Variants in CPEB1 observed in about 807,000 individuals in gnomAD.
CPEB1 encodes the protein cytoplasmic polyadenylation element binding protein 1.
CPEB1 carries 7 observed loss-of-function variants against 65.8 expected under a neutral mutation model. The observed-to-expected ratio is 0.11, with a 90% CI of 0.06 to 0.20. The LOEUF is 0.20. Among genes scored for constraint, CPEB1 ranks in the 10% least tolerant of loss-of-function variants. The pLI, the probability that CPEB1 is intolerant of heterozygous loss-of-function variation, is 1.00. For missense variants in CPEB1, 551 were observed against 712.2 expected, an observed-to-expected ratio of 0.77 and a Z score of 2.58; for synonymous variants, 262 against 260.0, an observed-to-expected ratio of 1.01 and a Z score of -0.08.
intron 7 of CPEB1, 50 bp downstream of exon 7, chr15:82,553,828 A>G (rs764767501): frequency 7.7e-7 from 1 of 1,304,208 alleles, no homozygotes; most frequent in South Asian, 1.2e-5. Flanking sequence ...TGCTCCTGAA[A>G]GACATGCCCC....
At chr15:82,617,107 C>A (rs1275724086) in intron 3 of CPEB1, among the ~76,000 whole-genome samples, 1 of 152,232 alleles carries the variant, frequency 6.6e-6, no homozygotes, top group Admixed American at 6.5e-5. Flanking sequence ...GATCTCCCTG[C>A]TGTCACTGGA....
intron 3 of CPEB1, among the ~76,000 whole-genome samples, chr15:82,574,179 C>T (rs2040390295): frequency 6.6e-6 from 1 of 152,204 alleles, no homozygotes; most frequent in South Asian, 2.1e-4. Context: ...CCAGACATTC[C>T]TCAATCTGTT....
chr15:82,568,719 C>G (rs972097503), intron 4 of CPEB1, among the ~76,000 whole-genome samples: 2 of 152,208 alleles, frequency 1.3e-5, no homozygotes, highest in African/African-American at 4.8e-5. Context: ...ATGAAAGCCC[C>G]TATCATAGCA....
chr15:82,591,552 TC>T (rs1235247825), intron 3 of CPEB1, among the ~76,000 whole-genome samples: 1 of 151,868 alleles, frequency 6.6e-6, no homozygotes, highest in Non-Finnish European at 1.5e-5. Flanking sequence ...TAGGCATGAG[TC>T]ACTGTGCCCA....
intron 4 of CPEB1, among the ~76,000 whole-genome samples, chr15:82,568,352 C>A (rs2039479921): frequency 6.6e-6 from 1 of 152,086 alleles, no homozygotes; most frequent in Non-Finnish European, 1.5e-5. Flanking sequence ...ACATTGCAAG[C>A]AGGACAAGGG....
intron 3 of CPEB1, among the ~76,000 whole-genome samples, chr15:82,602,366 G>C (rs2043190067): frequency 6.6e-6 from 1 of 152,162 alleles, no homozygotes; most frequent in South Asian, 2.1e-4. Flanking sequence ...GAAATTTATA[G>C]TCTTTGGTAA....
chr15:82,588,552 G>A (rs2041980740), intron 3 of CPEB1, among the ~76,000 whole-genome samples: 1 of 152,088 alleles, frequency 6.6e-6, no homozygotes, highest in Non-Finnish European at 1.5e-5. Flanking sequence ...CCATGAACAT[G>A]ATGTATCTAA....
chr15:82,581,501 T>G (rs1289782156), intron 3 of CPEB1, among the ~76,000 whole-genome samples: 1 of 152,134 alleles, frequency 6.6e-6, no homozygotes, highest in Non-Finnish European at 1.5e-5. Flanking sequence ...TAACACTATG[T>G]TTAATTTTTT....
chr15:82,586,973 G>T (rs1033683916), intron 3 of CPEB1, among the ~76,000 whole-genome samples: 2 of 152,098 alleles, frequency 1.3e-5, no homozygotes, highest in Non-Finnish European at 2.9e-5. Flanking sequence ...CAACAGAGAA[G>T]GAATTGCAAT....
At chr15:82,548,463 G>A (rs1334675669) in intron 10 of CPEB1, among the ~76,000 whole-genome samples, 1 of 152,196 alleles carries the variant, frequency 6.6e-6, no homozygotes, top group African/African-American at 2.4e-5. Flanking sequence ...ATTTGACAGT[G>A]GAGATCATGT....
chr15:82,632,215 C>A (rs568716080), intron 1 of CPEB1, among the ~76,000 whole-genome samples: 25 of 152,102 alleles, frequency 1.6e-4, no homozygotes, highest in African/African-American at 5.8e-4. Flanking sequence ...ATCTCCTGAC[C>A]TCATGATCCG....
intron 3 of CPEB1, among the ~76,000 whole-genome samples, chr15:82,622,908 C>A (rs371207680): frequency 1.3e-5 from 2 of 152,192 alleles, no homozygotes; most frequent in South Asian, 4.1e-4. Flanking sequence ...AATGCTACCC[C>A]CCTCCTTATG....
Position 82,647,198 on chromosome 15 carries a change from C to T in CPEB1, c.-159G>A. The stretch of plus-strand genomic sequence containing the variant: ...AAGCCCCGCCAGTCTTCCGCCCTCG[C>T]GCCACACTACCTGGCCAGCCCCGCC... On this transcript the variant is annotated 5_prime_UTR_variant, in exon 1 of 13. Transcript: ENST00000684509. 1 of 152,716 alleles carries T rather than the reference C, an allele frequency of 6.5e-6. No individual in the cohort carries two copies. Among genetic ancestry groups the T allele is most frequent in the Non-Finnish European group, 1.5e-5 (1 of 68,366 alleles). 9.5% of individuals were successfully genotyped at this position (152,716 alleles called of 1,614,324 possible).
At chr15:82,550,768 C>A (rs2036098285) in intron 9 of CPEB1, among the ~76,000 whole-genome samples, 1 of 152,040 alleles carries the variant, frequency 6.6e-6, no homozygotes, top group Non-Finnish European at 1.5e-5. Flanking sequence ...TTTATCTGAA[C>A]TAGAAAAGAA....
intron 3 of CPEB1, among the ~76,000 whole-genome samples, chr15:82,591,440 A>C (rs942924043): frequency 1.3e-4 from 19 of 151,922 alleles, no homozygotes; most frequent in African/African-American, 3.4e-4. Context: ...AATTTTTGTA[A>C]TTTTTAGTAG....
chr15:82,555,178 TA>T (rs138343388), intron 6 of CPEB1, among the ~76,000 whole-genome samples: 26,989 of 152,242 alleles, frequency 0.18, 2,674 homozygotes, highest in Non-Finnish European at 0.24. Flanking sequence ...TAGGATAATT[TA>T]TTTTTTAAAC....
At chr15:82,599,181 ATATT>A (rs1457380913) in intron 3 of CPEB1, among the ~76,000 whole-genome samples, 17 of 152,210 alleles carry the variant, frequency 1.1e-4, no homozygotes, top group Non-Finnish European at 2.2e-4. Flanking sequence ...TTCTCTTAAA[ATATT>A]ATGCAGGAGA....
intron 1 of CPEB1, among the ~76,000 whole-genome samples, chr15:82,637,381 T>C (rs190762957): frequency 1.7e-4 from 26 of 152,270 alleles, no homozygotes; most frequent in Middle Eastern, 3.4e-3. Context: ...TTTTTTCTCA[T>C]ACCCACAGGG....
intron 3 of CPEB1, among the ~76,000 whole-genome samples, chr15:82,618,408 A>T (rs181224327): frequency 1.4e-4 from 21 of 152,380 alleles, no homozygotes; most frequent in Non-Finnish European, 2.6e-4. Flanking sequence ...TGTATATATG[A>T]GACAGAATAT....
Sources: gnomAD v4.1 joint callset for allele counts (sites outside exome capture counted in the v4.1 genomes callset) on GRCh38, gnomAD v4.1.1 for gene constraint, MANE v1.5 for transcripts, NCBI Gene and HGNC (gene_info 2026-07-23, HGNC 2026-07-21) for gene names.